ZNF701: variants seen among roughly 807,000 people sequenced by gnomAD.
ZNF701 encodes the protein zinc finger protein 701.
ZNF701 carries 6 observed loss-of-function variants against 7.1 expected under a neutral mutation model. The observed-to-expected ratio is 0.84, with a 90% CI of 0.46 to 1.66. The LOEUF is 1.66. ZNF701 is among the 40% of genes most tolerant of loss of function. ZNF701 has a pLI of 0.01. For missense variants in ZNF701, 541 were observed against 559.2 expected, an observed-to-expected ratio of 0.97 and a Z score of 0.33; for synonymous variants, 166 against 188.2, an observed-to-expected ratio of 0.88 and a Z score of 0.97.
At chr19:52,597,153 C>A in the ZNF701 span, 1 of 653,348 alleles carries the variant, frequency 1.5e-6, no homozygotes, top group Non-Finnish European at 2.8e-6. Flanking sequence ...TCAGCGAACT[C>A]ATACTGGAGA....
In ZNF701 at chr19:52,582,404, A is replaced by T; in HGVS notation, c.345A>T (p.Lys115Asn). 1 of 1,613,444 alleles carries T rather than the reference A, an allele frequency of 6.2e-7. No homozygotes were observed. Among genetic ancestry groups the T allele is most frequent in the Non-Finnish European group, 8.5e-7 (1 of 1,179,676 alleles). The change falls in exon 4 of 4, where the codon AAA (lysine) becomes AAT (asparagine). Residue 115 changes from lysine (K) to asparagine (N), a missense_variant. By Grantham distance (94) the Lys-to-Asn change is moderately conservative (BLOSUM62 0). Transcript: ENST00000391785. ...ETNGHEALMT[K>N]TKKLMSSTER... ...ATGGCCATGAAGCACTCATGACAAA[A>T]ACCAAAAAGTTGATGAGTAGTACAG...
chr19:52,586,746 A>G lies in ZNF701; in HGVS notation c.*3289A>G, dbSNP rs2060014706. 6.6e-6 allele frequency: 1 copy of G among 151,446 alleles called. No individual in the cohort carries two copies. The highest frequency in any genetic ancestry group is 6.6e-5 in the Admixed American group (1 of 15,234). The allele number at this position is 151,446 out of a possible 1,614,324, so 9.4% of individuals were successfully genotyped here. On this transcript the variant is annotated 3_prime_UTR_variant, in exon 4 of 4. Coordinates refer to ENST00000391785, the MANE Select transcript of ZNF701 (RefSeq NM_018260.3). The stretch of plus-strand genomic sequence containing the variant: ...GTGAGGGAGAAGACCAGAAAAGCTC[A>G]GTCAGAGTGACACTGACCCCTGAAA...
chr19:52,570,689 G>T (rs1042468908), intron 1 of ZNF701: 1 of 152,250 alleles, frequency 6.6e-6, no homozygotes, highest in Admixed American at 6.5e-5. Flanking sequence ...CGCCTGAAGC[G>T]CAAACGTCGC....
the ZNF701 span, chr19:52,596,889 C>T: frequency 1.8e-6 from 1 of 555,506 alleles, no homozygotes; most frequent in African/African-American, 1.9e-5. Context: ...CCTTGCACAA[C>T]ATCAGAGAGT....
intron 1 of ZNF701, among the ~76,000 whole-genome samples, chr19:52,571,381 A>G (rs1397997747): frequency 6.6e-6 from 1 of 152,208 alleles, no homozygotes; most frequent in East Asian, 1.9e-4. Context: ...GGGGTAAAAC[A>G]GAGAAGAGAG....
the ZNF701 span, chr19:52,597,617 A>ACGGC: frequency 2.0e-4 from 73 of 356,824 alleles, no homozygotes; most frequent in East Asian, 5.1e-4. Context: ...CAAGGCTGAT[A>ACGGC]GATCACAGCC....
chr19:52,588,647 T>A, downstream of ZNF701: 1 of 337,512 alleles, frequency 3.0e-6, no homozygotes, highest in Non-Finnish European at 5.7e-6. Flanking sequence ...TTCTTCTGTC[T>A]CCTTGTTTTC....
downstream of ZNF701, among the ~76,000 whole-genome samples, chr19:52,589,364 T>C (rs181081224): frequency 3.1e-3 from 475 of 152,352 alleles, 10 homozygotes; most frequent in Admixed American, 0.029. Context: ...GAGCATACTT[T>C]TCATGTGTTT....
Position 52,582,742 on chromosome 19 carries a change from C to A in ZNF701, c.683C>A (p.Ser228Ter), listed in dbSNP as rs772915297. The A allele has an allele frequency of 6.2e-7, 1 of 1,614,084 alleles. No homozygotes were observed. Among genetic ancestry groups the A allele is most frequent in the Non-Finnish European group, 8.5e-7 (1 of 1,180,010 alleles). Residue 228 changes from serine to a stop codon, truncating the protein, a stop_gained, in exon 4 of 4, where the codon TCA (serine) becomes TAA (stop). Coordinates refer to ENST00000391785, the MANE Select transcript of ZNF701 (RefSeq NM_018260.3). LOFTEE classifies it low-confidence loss of function (END_TRUNC). ...NESGKAFNGS[S>*]LLKKHQIIHL... ...AGTGGCAAAGCCTTTAATGGTAGCT[C>A]ACTCTTAAAAAAACATCAGATAATC...
chr19:52,599,279 T>G, the ZNF701 span, among the ~76,000 whole-genome samples: 1 of 152,162 alleles, frequency 6.6e-6, no homozygotes, highest in Non-Finnish European at 1.5e-5. Context: ...GAGCTCTCTT[T>G]GAAAGGCAAA....
In ZNF701 at chr19:52,580,113, T is replaced by G. The variant is rs533685178; in HGVS notation, c.143-2089T>G. Among the ~76,000 whole-genome samples, 6 of 141,432 alleles carry G rather than the reference T, an allele frequency of 4.2e-5. 1 individual carries two copies. The highest frequency in any genetic ancestry group is 1.9e-4 in the African/African-American group (6 of 32,244). The allele number at this position is 141,432 out of a possible 152,430, so 92.8% of individuals were successfully genotyped here. On this transcript the variant is annotated intron_variant, in intron 3 of 3. Transcript: ENST00000391785. ...CCTGCCACCACACCCGGCTATTTTT[T>G]ATTGTATTTTTAGTAGAGATGGGGT...
chr19:52,589,854 G>A (rs377750103), downstream of ZNF701, among the ~76,000 whole-genome samples: 6 of 152,132 alleles, frequency 3.9e-5, no homozygotes, highest in African/African-American at 1.4e-4. Flanking sequence ...GTGCAGTGGT[G>A]CAAACTCAGC....
intron 2 of ZNF701, among the ~76,000 whole-genome samples, chr19:52,575,159 C>T (rs566412425): frequency 2.8e-4 from 42 of 152,156 alleles, no homozygotes; most frequent in South Asian, 1.7e-3. Context: ...TTAGTAGAGA[C>T]GGGGTTTCAC....
At chr19:52,581,397 T>G (rs650750) in intron 3 of ZNF701, among the ~76,000 whole-genome samples, 41,508 of 151,528 alleles carry the variant, frequency 0.27, 6,758 homozygotes, top group African/African-American at 0.46. Flanking sequence ...TTTTTGTATG[T>G]TTAGTAGAGA....
At chr19:52,590,683 T>C (rs1193151104), downstream of ZNF701, among the ~76,000 whole-genome samples, 1 of 152,020 alleles carries the variant, frequency 6.6e-6, no homozygotes, top group African/African-American at 2.4e-5. Context: ...TCCTCTGCTC[T>C]CCAGGCTCAA....
chr19:52,579,989 T>C (rs2059964830), intron 3 of ZNF701, among the ~76,000 whole-genome samples: 2 of 143,200 alleles, frequency 1.4e-5, no homozygotes, highest in African/African-American at 6.0e-5. Flanking sequence ...TAGCCCAGGC[T>C]GGAGTGCAGT....
At chr19:52,592,847 C>T in the ZNF701 span, among the ~76,000 whole-genome samples, 3 of 119,538 alleles carry the variant, frequency 2.5e-5, no homozygotes, top group Non-Finnish European at 5.5e-5. Context: ...GGCAGGGTCA[C>T]AGGACAATAG....
intron 3 of ZNF701, among the ~76,000 whole-genome samples, chr19:52,577,473 A>G (rs1054245771): frequency 2.4e-5 from 3 of 125,544 alleles, no homozygotes; most frequent in African/African-American, 1.0e-4. Context: ...CAAATTAGAT[A>G]CAGAGATGAT....
In ZNF701 at chr19:52,582,701, T is replaced by G. The variant is rs1438092396; in HGVS notation, c.642T>G (p.Ser214=). 6.2e-7 allele frequency: 1 copy of G among 1,614,146 alleles called. No individual in the cohort carries two copies. The highest frequency in any genetic ancestry group is 8.5e-7 in the Non-Finnish European group (1 of 1,180,012). The change falls in exon 4 of 4, where the codon TCT becomes TCG. Residue 214 remains serine, a synonymous_variant. Transcript: ENST00000391785. The part of the protein sequence containing the change: ...QKREVHTREK[S]FQRNESGKAF... Reference sequence around the variant, plus strand: ...GGGAAGTACACACAAGAGAAAAATCTTTCCAACGTAATGAGAGTGGCAAAG... The same window carrying G: ...GGGAAGTACACACAAGAGAAAAATCGTTCCAACGTAATGAGAGTGGCAAAG...
Sources: allele counts gnomAD v4.1 joint callset (sites outside exome capture counted in the v4.1 genomes callset), GRCh38; gene constraint gnomAD v4.1.1; transcripts MANE v1.5; gene names NCBI Gene and HGNC (gene_info 2026-07-23, HGNC 2026-07-21).